Variants in PAK1 observed in about 807,000 individuals in gnomAD.
The protein encoded by PAK1 is p21 (RAC1) activated kinase 1, also known as serine/threonine-protein kinase PAK 1.
A neutral mutation model predicts 67.4 loss-of-function variants in PAK1; 29 were observed. That is an observed-to-expected ratio of 0.43 (90% CI 0.32 to 0.59). The LOEUF is 0.59. PAK1 is among the 20% of genes least tolerant of loss of function. PAK1 has a pLI of 0.07. For synonymous variants in PAK1, 223 were observed against 237.4 expected, an observed-to-expected ratio of 0.94 and a Z score of 0.56; for missense variants, 337 against 670.7, an observed-to-expected ratio of 0.50 and a Z score of 5.50.
intron 9 of PAK1, among the ~76,000 whole-genome samples, chr11:77,346,261 C>T (rs1418015450): frequency 6.6e-6 from 1 of 152,138 alleles, no homozygotes; most frequent in African/African-American, 2.4e-5. Flanking sequence ...CATGAGCAAC[C>T]GCGCCTGGCC....
chr11:77,456,652 T>G (rs900848017), intron 1 of PAK1, among the ~76,000 whole-genome samples: 2 of 152,230 alleles, frequency 1.3e-5, no homozygotes, highest in Non-Finnish European at 2.9e-5. Flanking sequence ...GGACTTCTTA[T>G]GTGCCAAAAT....
intron 1 of PAK1, among the ~76,000 whole-genome samples, chr11:77,418,208 T>C (rs1357736231): frequency 6.6e-6 from 1 of 152,194 alleles, no homozygotes; most frequent in African/African-American, 2.4e-5. Flanking sequence ...CTCTGACAAA[T>C]TGCTATAAAG....
intron 1 of PAK1, among the ~76,000 whole-genome samples, chr11:77,414,341 G>A (rs1954832829): frequency 6.6e-6 from 1 of 152,192 alleles, no homozygotes; most frequent in Non-Finnish European, 1.5e-5. Flanking sequence ...TAGTATGGTG[G>A]CTTTTAATTC....
chr11:77,495,695 A>C, the PAK1 span, among the ~76,000 whole-genome samples: 1 of 152,208 alleles, frequency 6.6e-6, no homozygotes, highest in African/African-American at 2.4e-5. Flanking sequence ...ATACAATGGA[A>C]TATTATTCAG....
intron 1 of PAK1, among the ~76,000 whole-genome samples, chr11:77,409,906 A>T (rs1258303999): frequency 6.6e-6 from 1 of 152,188 alleles, no homozygotes; most frequent in Non-Finnish European, 1.5e-5. Context: ...CTAAAAAAAA[A>T]TTTGCTGAGT....
In PAK1 at chr11:77,359,016, T is replaced by C; in HGVS notation, c.479A>G (p.Asn160Ser). 2 of 1,612,830 alleles carry C rather than the reference T, an allele frequency of 1.2e-6. No individual in the cohort carries two copies. The highest frequency in any genetic ancestry group is 8.5e-7 in the Non-Finnish European group (1 of 1,179,298). The change falls in exon 6 of 15, where the codon AAT (asparagine) becomes AGT (serine). Residue 160 changes from asparagine (N) to serine (S), a missense_variant and splice_region_variant. Coordinates refer to ENST00000356341, the MANE Select transcript of PAK1 (RefSeq NM_002576.5). ...AGGAGTCTCAGACACAGCCTTCACATTCTGTGCAAAGAAGAAAAGCAAGAT... is the reference window on the plus strand; with the variant it reads ...AGGAGTCTCAGACACAGCCTTCACACTCTGTGCAAAGAAGAAAAGCAAGAT... ...AEDYNSSNAL[N>S]VKAVSETPAV... is the part of the protein sequence containing the mutation.
chr11:77,392,702 G>C (rs1406257757), intron 1 of PAK1, among the ~76,000 whole-genome samples, 161 bp from the exon 2 acceptor site: 1 of 152,202 alleles, frequency 6.6e-6, no homozygotes, highest in African/African-American at 2.4e-5. Context: ...ACTCACTGAT[G>C]TAAATGCCTA....
At chr11:77,425,264 G>T (rs1235262827) in intron 1 of PAK1, among the ~76,000 whole-genome samples, 1 of 147,626 alleles carries the variant, frequency 6.8e-6, no homozygotes, top group Non-Finnish European at 1.5e-5. Context: ...TCAGACACAG[G>T]CTTTTGCTTT....
chr11:77,439,805 A>G (rs1956278667), intron 1 of PAK1, among the ~76,000 whole-genome samples: 1 of 152,196 alleles, frequency 6.6e-6, no homozygotes, highest in African/African-American at 2.4e-5. Flanking sequence ...GTCAAGAACC[A>G]TCAGGTGCCT....
intron 5 of PAK1, among the ~76,000 whole-genome samples, chr11:77,369,370 TTCTA>T (rs1240176717): frequency 6.6e-6 from 1 of 151,602 alleles, no homozygotes; most frequent in Non-Finnish European, 1.5e-5. Flanking sequence ...TTCTCAAATT[TTCTA>T]TCTTTTATAT....
At chr11:77,446,655 G>C (rs1956624686) in intron 1 of PAK1, among the ~76,000 whole-genome samples, 1 of 151,724 alleles carries the variant, frequency 6.6e-6, no homozygotes, top group African/African-American at 2.4e-5. Context: ...TATAACTCTA[G>C]ATATAAATGC....
At chr11:77,469,293 A>G (rs1257616663) in intron 1 of PAK1, among the ~76,000 whole-genome samples, 2 of 152,158 alleles carry the variant, frequency 1.3e-5, no homozygotes, top group Non-Finnish European at 2.9e-5. Context: ...CCTATGATAC[A>G]GAGATACCAG....
intron 6 of PAK1, among the ~76,000 whole-genome samples, chr11:77,356,820 A>G (rs754503677): frequency 2.0e-5 from 3 of 152,232 alleles, no homozygotes; most frequent in Non-Finnish European, 2.9e-5. Context: ...ACTACAAGGC[A>G]GAAAGTGATA....
the PAK1 span, among the ~76,000 whole-genome samples, chr11:77,517,381 A>C: frequency 5.9e-5 from 9 of 152,250 alleles, no homozygotes; most frequent in Non-Finnish European, 1.2e-4. Flanking sequence ...CTGTGTAAAA[A>C]GGAAGGGGCA....
At chr11:77,460,193 A>G (rs1592557541) in intron 1 of PAK1, among the ~76,000 whole-genome samples, 2 of 149,902 alleles carry the variant, frequency 1.3e-5, no homozygotes, top group East Asian at 1.9e-4. Context: ...GGAAAAAGGG[A>G]GAGAGAAAAA....
chr11:77,396,580 C>T (rs1565663334), intron 1 of PAK1, among the ~76,000 whole-genome samples: 1 of 152,170 alleles, frequency 6.6e-6, no homozygotes, highest in Non-Finnish European at 1.5e-5. Context: ...AAAGAAAAAA[C>T]TTCCATCTGT....
intron 1 of PAK1, among the ~76,000 whole-genome samples, chr11:77,444,260 A>G (rs909246143): frequency 1.3e-5 from 2 of 149,252 alleles, no homozygotes; most frequent in African/African-American, 5.0e-5. Context: ...GTGAGCTGCA[A>G]CCAGGTACGT....
intron 5 of PAK1, among the ~76,000 whole-genome samples, chr11:77,366,874 C>T (rs537732307): frequency 1.3e-5 from 2 of 152,306 alleles, no homozygotes; most frequent in East Asian, 3.9e-4. Flanking sequence ...AATGAGACCA[C>T]ACAAAACCTT....
In PAK1 at chr11:77,367,318, C is replaced by A. The variant is rs1387083289; in HGVS notation, c.477+7010G>T. ...TAAAATTCTAGTGAGCTTTTTACTACCCCAATCATAAATATGAGCAGACCT... is the reference window on the plus strand; with the variant it reads ...TAAAATTCTAGTGAGCTTTTTACTAACCCAATCATAAATATGAGCAGACCT... On this transcript the variant is annotated intron_variant, in intron 5 of 14. Transcript: ENST00000356341. Among the ~76,000 whole-genome samples the A allele has an allele frequency of 6.6e-5, 10 of 152,060 alleles. No homozygotes were observed. The East Asian group carries it at 1.9e-3, about 29-fold the overall frequency.
Sources: gnomAD v4.1 joint callset for allele counts (sites outside exome capture counted in the v4.1 genomes callset) on GRCh38, gnomAD v4.1.1 for gene constraint, MANE v1.5 for transcripts, NCBI Gene and HGNC (gene_info 2026-07-23, HGNC 2026-07-21) for gene names.